WDFY3: variants seen among roughly 807,000 people sequenced by gnomAD.
WDFY3 encodes WD repeat and FYVE domain containing 3, also known as WD repeat and FYVE domain-containing protein 3.
A neutral mutation model predicts 409.6 loss-of-function variants in WDFY3; 66 were observed. The ratio of observed to expected loss-of-function variants is 0.16; its 90% CI spans 0.13 to 0.20. The LOEUF is 0.20. Among genes scored for constraint, WDFY3 ranks in the 10% least tolerant of loss-of-function variants. WDFY3 has a pLI of 1.00. For missense variants in WDFY3, 3,031 were observed against 4,298.1 expected, an observed-to-expected ratio of 0.71 and a Z score of 8.24; for synonymous variants, 1,521 against 1,537.1, an observed-to-expected ratio of 0.99 and a Z score of 0.25.
intron 29 of WDFY3, among the ~76,000 whole-genome samples, chr4:84,773,656 A>G (rs528997460): frequency 2.0e-5 from 3 of 152,370 alleles, no homozygotes; most frequent in Admixed American, 2.0e-4. Context: ...TTCTTGACAT[A>G]ATGATAATTA....
At chr4:84,707,003 C>T (rs941734624) in intron 53 of WDFY3, among the ~76,000 whole-genome samples, 1 of 148,766 alleles carries the variant, frequency 6.7e-6, no homozygotes, top group South Asian at 2.1e-4. Context: ...CAGTGGCACA[C>T]TCTCAGCTCA....
At position 84,775,087 on chromosome 4, in the gene WDFY3, T is replaced by C; in HGVS notation, c.4570A>G (p.Ile1524Val). Reference protein sequence around the residue: ...ELHLSLFEHFIELLTESSEAS... With the variant: ...ELHLSLFEHFVELLTESSEAS... ...TACCTGGACTCTGTGAGCAGTTCAA[T>C]AAAGTGTTCAAATAAGGAAAGATGA... The change falls in exon 28 of 68, where the codon ATT (isoleucine) becomes GTT (valine). Residue 1524 changes from isoleucine (I) to valine (V), a missense_variant. Ile to Val is a conservative substitution (Grantham distance 29). Coordinates refer to ENST00000295888, the MANE Select transcript of WDFY3 (RefSeq NM_014991.6). 6 of 1,613,726 alleles carry C rather than the reference T, an allele frequency of 3.7e-6. No individual in the cohort carries two copies. Among genetic ancestry groups the C allele is most frequent in the Middle Eastern group, 1.7e-4 (1 of 5,910 alleles).
rs1266146164 is a variant in WDFY3 at position 84,751,862 on chromosome 4, C to G, written c.5740-146G>C. The G allele has an allele frequency of 1.1e-5, 9 of 829,210 alleles. No individual in the cohort carries two copies. The East Asian group carries it at 2.4e-4, about 22-fold the overall frequency. 51.4% of individuals were successfully genotyped at this position (829,210 alleles called of 1,614,324 possible). A position where few individuals can be genotyped will look rare whatever the true frequency, so the allele number is the denominator to read the frequency against. On this transcript the variant is annotated intron_variant, in intron 35 of 67. Transcript: ENST00000295888. ...TTATTTCACTCTGCTTTACTCGACC[C>G]TTCCTTTCAAGGTAGTAATCTGGCA...
chr4:84,878,067 G>C (rs192760305), intron 3 of WDFY3, among the ~76,000 whole-genome samples: 1 of 152,064 alleles, frequency 6.6e-6, no homozygotes, highest in Admixed American at 6.6e-5. Flanking sequence ...AGATTGTTGG[G>C]TACCCCATAA....
chr4:84,681,068 C>CT (rs1303694156), intron 64 of WDFY3, among the ~76,000 whole-genome samples: 1 of 152,196 alleles, frequency 6.6e-6, no homozygotes, highest in Non-Finnish European at 1.5e-5. Context: ...AAACAAGCAG[C>CT]TTTGGAAGCG....
At chr4:84,681,119 C>A (rs946643607) in intron 64 of WDFY3, among the ~76,000 whole-genome samples, 1 of 152,118 alleles carries the variant, frequency 6.6e-6, no homozygotes, top group Admixed American at 6.5e-5. Context: ...TTACATTTCA[C>A]CCCAGCAAGT....
In WDFY3 at chr4:84,678,271, A is replaced by G. The variant is rs377220347; in HGVS notation, c.10156T>C (p.Trp3386Arg). 1.9e-6 allele frequency: 3 copies of G among 1,613,614 alleles called. No individual in the cohort carries two copies. The highest frequency in any genetic ancestry group is 2.5e-6 in the Non-Finnish European group (3 of 1,179,654). ...NYSRLKPGYR[W>R]ERQLVFRSKL... ...CTCCTGAACACCAGCTGCCGTTCCCATCGGTACCCTGGAATGGAGAAGTGG... is the reference window on the plus strand; with the variant it reads ...CTCCTGAACACCAGCTGCCGTTCCCGTCGGTACCCTGGAATGGAGAAGTGG... Residue 3386 changes from tryptophan to arginine, a missense_variant, in exon 66 of 68, where the codon TGG becomes CGG. Around this residue, in one of 16 missense-constraint regions of WDFY3, gnomAD observed 378 missense variants for 477.3 expected, o/e 0.79. Coordinates refer to ENST00000295888, the MANE Select transcript of WDFY3 (RefSeq NM_014991.6).
At chr4:84,783,217 A>G in intron 24 of WDFY3, 143 bp from the exon 25 acceptor site, 1 of 745,438 alleles carries the variant, frequency 1.3e-6, no homozygotes, top group East Asian at 2.7e-5. Flanking sequence ...ATTTAGGTCC[A>G]GCCTGGTGGC....
At chr4:84,815,784 TTTAG>T (rs1260771092) in intron 13 of WDFY3, among the ~76,000 whole-genome samples, 15 of 152,168 alleles carry the variant, frequency 9.9e-5, no homozygotes, top group African/African-American at 3.6e-4. Flanking sequence ...ATGCTGATCA[TTTAG>T]TTACGGTAGG....
chr4:84,776,406 G>A (rs762748348), intron 27 of WDFY3, among the ~76,000 whole-genome samples: 6 of 152,018 alleles, frequency 3.9e-5, no homozygotes, highest in Non-Finnish European at 7.4e-5. Flanking sequence ...AAGCCATAAA[G>A]TGAGCAATGT....
At chr4:84,747,699 G>A (rs1462571766) in intron 36 of WDFY3, among the ~76,000 whole-genome samples, 1 of 152,008 alleles carries the variant, frequency 6.6e-6, no homozygotes, top group Non-Finnish European at 1.5e-5. Context: ...TAGTGAGTGA[G>A]TTCTCATGAG....
Position 84,932,296 on chromosome 4 carries a change from A to C in WDFY3, c.-158T>G, listed in dbSNP as rs1267783482. 6.6e-6 allele frequency: 1 copy of C among 152,194 alleles called. No homozygotes were observed. Among genetic ancestry groups the C allele is most frequent in the Non-Finnish European group, 1.5e-5 (1 of 68,040 alleles). 9.4% of individuals were successfully genotyped at this position (152,194 alleles called of 1,614,324 possible). A position where few individuals can be genotyped will look rare whatever the true frequency, so the allele number is the denominator to read the frequency against. On this transcript the variant is annotated 5_prime_UTR_variant, in exon 2 of 68. Coordinates refer to ENST00000295888, the MANE Select transcript of WDFY3 (RefSeq NM_014991.6). ...TGATTCTCTGTTCTGGGCTGGCATG[A>C]ACCTGCTTAGAAATGATAAGAATGG...
intron 64 of WDFY3, 38 bp downstream of exon 64, chr4:84,682,336 G>A: frequency 6.3e-7 from 1 of 1,576,084 alleles, no homozygotes. Flanking sequence ...AAAGAAATAT[G>A]AAAACGATTT....
chr4:84,693,039 T>G lies in WDFY3; in HGVS notation c.8902-7A>C. ...GATGAGGTTTTTTAAATAACTGGTATGAAAGAAGATGACTCACTTTATAAT... is the reference window on the plus strand; with the variant it reads ...GATGAGGTTTTTTAAATAACTGGTAGGAAAGAAGATGACTCACTTTATAAT... On this transcript the variant is annotated splice_region_variant and splice_polypyrimidine_tract_variant and intron_variant, in intron 58 of 67. Coordinates refer to ENST00000295888, the MANE Select transcript of WDFY3 (RefSeq NM_014991.6). The G allele has an allele frequency of 6.2e-7, 1 of 1,609,544 alleles. No individual in the cohort carries two copies. Among genetic ancestry groups the G allele is most frequent in the Non-Finnish European group, 8.5e-7 (1 of 1,178,962 alleles).
intron 2 of WDFY3, among the ~76,000 whole-genome samples, chr4:84,920,249 A>G (rs1769099938): frequency 6.6e-6 from 1 of 152,222 alleles, no homozygotes; most frequent in Non-Finnish European, 1.5e-5. Context: ...ACTGCCATAG[A>G]AGGCACTTAT....
intron 6 of WDFY3, among the ~76,000 whole-genome samples, chr4:84,838,073 G>T (rs572682068): frequency 2.8e-4 from 43 of 152,282 alleles, no homozygotes; most frequent in African/African-American, 9.6e-4. Context: ...AATAAAAAGG[G>T]AAAGATCACC....
chr4:84,775,591 A>G (rs1433075588), intron 27 of WDFY3, among the ~76,000 whole-genome samples: 3 of 152,024 alleles, frequency 2.0e-5, no homozygotes, highest in Non-Finnish European at 4.4e-5. Flanking sequence ...AAAAAATACT[A>G]AAAAGAAATG....
intron 44 of WDFY3, among the ~76,000 whole-genome samples, chr4:84,729,620 C>T (rs1198860670): frequency 6.6e-6 from 1 of 151,350 alleles, no homozygotes; most frequent in African/African-American, 2.4e-5. Context: ...AAAACTTAGA[C>T]TAGGTAAGCT....
intron 56 of WDFY3, among the ~76,000 whole-genome samples, chr4:84,699,361 T>A (rs1343503474): frequency 6.6e-6 from 1 of 152,192 alleles, no homozygotes. Flanking sequence ...GTTTTTGAGG[T>A]TCAATCACAT....
Sources: allele counts gnomAD v4.1 joint callset (sites outside exome capture counted in the v4.1 genomes callset), GRCh38; gene constraint gnomAD v4.1.1; regional missense constraint gnomAD v4.1.1; transcripts MANE v1.5; gene names NCBI Gene and HGNC (gene_info 2026-07-23, HGNC 2026-07-21).